OLA1: variants seen among roughly 807,000 people sequenced by gnomAD.
OLA1 encodes obg-like ATPase 1.
A neutral mutation model predicts 48.4 loss-of-function variants in OLA1; 14 were observed. The observed-to-expected ratio is 0.29, with a 90% confidence interval of 0.19 to 0.45. The LOEUF (loss-of-function observed/expected upper bound fraction) is 0.45. Among genes scored for constraint, OLA1 ranks in the 20% least tolerant of loss-of-function variants. The pLI is 1.00. For missense variants in OLA1, 325 were observed against 467.1 expected, an observed-to-expected ratio of 0.70 and a Z score of 2.80; for synonymous variants, 127 against 150.4, an observed-to-expected ratio of 0.84 and a Z score of 1.14.
chr2:174,141,728 C>A, intron 5 of OLA1, 97 bp downstream of exon 5: 1 of 949,018 alleles, frequency 1.1e-6, no homozygotes, highest in Non-Finnish European at 1.5e-6. Context: ...TCTAAAATTC[C>A]ATAACAATAT....
chr2:174,220,945 A>G (rs1388958519), intron 4 of OLA1, among the ~76,000 whole-genome samples: 1 of 152,178 alleles, frequency 6.6e-6, no homozygotes, highest in Non-Finnish European at 1.5e-5. Flanking sequence ...GAAATTAAAG[A>G]ATTATCAATT....
intron 9 of OLA1, among the ~76,000 whole-genome samples, chr2:174,080,715 T>C (rs1684836144): frequency 6.6e-6 from 1 of 152,086 alleles, no homozygotes; most frequent in Non-Finnish European, 1.5e-5. Flanking sequence ...AGCATAATGA[T>C]GTCATATTGC....
chr2:174,089,371 A>AT (rs750184447), intron 7 of OLA1, among the ~76,000 whole-genome samples: 2 of 152,208 alleles, frequency 1.3e-5, no homozygotes, highest in Admixed American at 1.3e-4. Context: ...AATGTCTGAG[A>AT]TAACTATGCA....
At chr2:174,189,889 C>T (rs1157047598) in intron 4 of OLA1, among the ~76,000 whole-genome samples, 2 of 146,674 alleles carry the variant, frequency 1.4e-5, no homozygotes, top group Non-Finnish European at 3.0e-5. Flanking sequence ...AAAACACACA[C>T]ACACACAACT....
At chr2:174,091,036 T>G (rs936551932) in intron 7 of OLA1, among the ~76,000 whole-genome samples, 1 of 152,300 alleles carries the variant, frequency 6.6e-6, no homozygotes, top group South Asian at 2.1e-4. Context: ...GGTCGGAGAC[T>G]GTGGCTTTAC....
chr2:174,198,099 G>C (rs1687918548), intron 4 of OLA1, among the ~76,000 whole-genome samples: 1 of 152,100 alleles, frequency 6.6e-6, no homozygotes, highest in Non-Finnish European at 1.5e-5. Flanking sequence ...CTAGTAGCTG[G>C]GATTACAGGC....
intron 5 of OLA1, among the ~76,000 whole-genome samples, chr2:174,125,422 TAG>T (rs1558965598): frequency 6.6e-6 from 1 of 152,128 alleles, no homozygotes; most frequent in African/African-American, 2.4e-5. Context: ...ACAGCTTATG[TAG>T]AGACACGCAA....
intron 7 of OLA1, among the ~76,000 whole-genome samples, chr2:174,109,073 G>A (rs1300231434): frequency 2.6e-5 from 4 of 152,246 alleles, no homozygotes; most frequent in African/African-American, 9.6e-5. Context: ...AACCCTTGAT[G>A]TTAACAGGGC....
At chr2:174,234,377 C>A (rs1688800572) in intron 2 of OLA1, among the ~76,000 whole-genome samples, 1 of 152,136 alleles carries the variant, frequency 6.6e-6, no homozygotes, top group Admixed American at 6.5e-5. Context: ...TTGGGGGAAT[C>A]AAAAATTACA....
At chr2:174,167,834 A>G (rs976679587) in intron 4 of OLA1, among the ~76,000 whole-genome samples, 10 of 152,230 alleles carry the variant, frequency 6.6e-5, no homozygotes, top group African/African-American at 2.2e-4. Flanking sequence ...CATAAAACTG[A>G]TAAGAAGTAC....
intron 1 of OLA1, chr2:174,247,123 A>G: frequency 1.1e-5 from 2 of 185,206 alleles, no homozygotes; most frequent in Non-Finnish European, 1.1e-5. Context: ...TGGGAGGGGG[A>G]GGCCGAGGTG....
At chr2:174,085,839 C>A (rs1175087506) in intron 7 of OLA1, among the ~76,000 whole-genome samples, 3 of 152,134 alleles carry the variant, frequency 2.0e-5, no homozygotes, top group Admixed American at 6.5e-5. Context: ...TTAATAAGTT[C>A]TTTGTCCCTT....
chr2:174,076,656 T>A (rs776527183), intron 10 of OLA1, among the ~76,000 whole-genome samples: 17 of 151,988 alleles, frequency 1.1e-4, no homozygotes, highest in Non-Finnish European at 1.9e-4. Context: ...CATATAAAAC[T>A]GTCCTGATTT....
At position 174,074,465 on chromosome 2, in the gene OLA1, C is replaced by T. The variant is rs970110486; in HGVS notation, c.*961G>A. On this transcript the variant is annotated 3_prime_UTR_variant, in exon 11 of 11. Transcript: ENST00000284719. The stretch of plus-strand genomic sequence containing the variant: ...CTTACCCATACTACCACTTCGACTG[C>T]TCTCAAATATCTGAAAAGTAAGAAT... The T allele has an allele frequency of 1.3e-5, 2 of 152,142 alleles. No homozygotes were observed. The highest frequency in any genetic ancestry group is 4.8e-5 in the African/African-American group (2 of 41,418). The allele number at this position is 152,142 out of a possible 1,614,324, so 9.4% of individuals were successfully genotyped here.
chr2:174,146,255 C>T (rs2105384482), intron 4 of OLA1, among the ~76,000 whole-genome samples: 1 of 152,196 alleles, frequency 6.6e-6, no homozygotes, highest in South Asian at 2.1e-4. Flanking sequence ...TGGATATTGA[C>T]TGGATAGTTT....
chr2:174,215,225 T>C (rs76316987), intron 4 of OLA1, among the ~76,000 whole-genome samples: 10,113 of 152,186 alleles, frequency 0.066, 479 homozygotes, highest in Non-Finnish European at 0.1. Flanking sequence ...GCCATACTCT[T>C]GTGGTGGTTT....
At chr2:174,233,951 C>T (rs1688790995) in intron 2 of OLA1, among the ~76,000 whole-genome samples, 1 of 152,154 alleles carries the variant, frequency 6.6e-6, no homozygotes, top group Non-Finnish European at 1.5e-5. Context: ...TACAGTTAAC[C>T]CTTGAACAAC....
At chr2:174,196,947 A>C (rs1480776806) in intron 4 of OLA1, among the ~76,000 whole-genome samples, 3 of 132,196 alleles carry the variant, frequency 2.3e-5, no homozygotes, top group Admixed American at 7.3e-5. Flanking sequence ...CAATGTATTG[A>C]TATATTACCA....
chr2:174,094,732 CTATT>C (rs1685205503), intron 7 of OLA1, among the ~76,000 whole-genome samples: 1 of 152,208 alleles, frequency 6.6e-6, no homozygotes, highest in African/African-American at 2.4e-5. Flanking sequence ...AGTGCTAACT[CTATT>C]TACATTGTTG....
Sources: gnomAD v4.1 joint callset for allele counts (sites outside exome capture counted in the v4.1 genomes callset) on GRCh38, gnomAD v4.1.1 for gene constraint, MANE v1.5 for transcripts, NCBI Gene and HGNC (gene_info 2026-07-23, HGNC 2026-07-21) for gene names.